Variants in CEMIP observed in about 807,000 individuals in gnomAD.
CEMIP encodes cell migration inducing hyaluronidase 1, also known as cell migration-inducing and hyaluronan-binding protein.
Under a neutral mutation model 156.9 loss-of-function variants are expected in CEMIP, and 105 were observed. That is an observed-to-expected ratio of 0.67 (90% CI 0.57 to 0.79). The LOEUF is 0.79. Among genes scored for constraint, CEMIP ranks in the 30% least tolerant of loss-of-function variants. CEMIP has a pLI of 0.00. For missense variants in CEMIP, 1,457 were observed against 1,769.4 expected (o/e 0.82, Z 3.17); for synonymous variants, 676 against 668.4 (o/e 1.01, Z -0.17).
intron 12 of CEMIP, among the ~76,000 whole-genome samples, chr15:80,900,059 G>C (rs1481505961): frequency 3.3e-5 from 5 of 152,172 alleles, no homozygotes; most frequent in Non-Finnish European, 5.9e-5. Context: ...AGAGGTGCTC[G>C]GGGTTTCTTG....
intron 1 of CEMIP, among the ~76,000 whole-genome samples, chr15:80,834,903 A>G (rs1897237411): frequency 6.6e-6 from 1 of 152,196 alleles, no homozygotes; most frequent in African/African-American, 2.4e-5. Context: ...GGATCTATCC[A>G]TTATTTAGGC....
intron 14 of CEMIP, among the ~76,000 whole-genome samples, chr15:80,913,249 G>A (rs1166254841): frequency 1.3e-5 from 2 of 152,160 alleles, no homozygotes; most frequent in African/African-American, 4.8e-5. Flanking sequence ...CTTGGGAAGG[G>A]TGGTCTGAAA....
intron 1 of CEMIP, among the ~76,000 whole-genome samples, chr15:80,784,863 A>T (rs1895889251): frequency 6.6e-6 from 1 of 152,146 alleles, no homozygotes; most frequent in South Asian, 2.1e-4. Context: ...TCATTATGAC[A>T]TTGATGACTT....
At chr15:80,815,344 C>G (rs1186550305) in intron 1 of CEMIP, among the ~76,000 whole-genome samples, 1 of 152,258 alleles carries the variant, frequency 6.6e-6, no homozygotes, top group Non-Finnish European at 1.5e-5. Context: ...CTGTCCCTAT[C>G]TAGCTTTGAG....
rs183631591 is a variant in CEMIP at position 80,833,226 on chromosome 15, G to A, written c.-175-40312G>A. Among the ~76,000 whole-genome samples the A allele has an allele frequency of 2.0e-5, 3 of 150,968 alleles. No homozygotes were observed. The East Asian group carries it at 5.9e-4, about 29-fold the overall frequency. ...ATCTCTCACTTCTCTTGGGAAATTC[G>A]GGGACCCAGCAAGATGTGGCCTGAG... On this transcript the variant is annotated intron_variant, in intron 1 of 29. Transcript: ENST00000394685.
chr15:80,925,387 G>A (rs147007561), intron 18 of CEMIP, among the ~76,000 whole-genome samples: 2 of 152,336 alleles, frequency 1.3e-5, no homozygotes, highest in East Asian at 3.9e-4. Context: ...GGCCCCACTT[G>A]GGGCAGGTTC....
chr15:80,795,034 G>C (rs1346199011), intron 1 of CEMIP, among the ~76,000 whole-genome samples: 5 of 151,948 alleles, frequency 3.3e-5, no homozygotes, highest in Non-Finnish European at 7.4e-5. Flanking sequence ...ATGCAAAGAG[G>C]CCTCAAGACA....
intron 12 of CEMIP, among the ~76,000 whole-genome samples, chr15:80,898,528 G>A (rs1442571325): frequency 3.3e-5 from 5 of 152,210 alleles, no homozygotes; most frequent in Non-Finnish European, 5.9e-5. Context: ...GGACATGCAG[G>A]TAGAGGGTGT....
intron 1 of CEMIP, among the ~76,000 whole-genome samples, chr15:80,812,682 G>A (rs1896698318): frequency 6.6e-6 from 1 of 152,102 alleles, no homozygotes; most frequent in Non-Finnish European, 1.5e-5. Flanking sequence ...AGGCAGAATT[G>A]GCTCATGGAT....
At chr15:80,936,163 G>A (rs1049121429) in intron 23 of CEMIP, among the ~76,000 whole-genome samples, 3 of 152,256 alleles carry the variant, frequency 2.0e-5, no homozygotes, top group African/African-American at 7.2e-5. Flanking sequence ...CATGCAGTGT[G>A]TTGTGGCACC....
intron 1 of CEMIP, among the ~76,000 whole-genome samples, chr15:80,808,528 G>A (rs1447406193): frequency 6.6e-6 from 1 of 151,994 alleles, no homozygotes; most frequent in Non-Finnish European, 1.5e-5. Flanking sequence ...AACAAGCCAG[G>A]ATACAGTGGC....
chr15:80,913,827 G>A (rs750766682), intron 14 of CEMIP, among the ~76,000 whole-genome samples: 4 of 152,236 alleles, frequency 2.6e-5, no homozygotes, highest in Non-Finnish European at 5.9e-5. Context: ...TTCTTTCCCT[G>A]TTTTGGAAAT....
chr15:80,864,028 C>A (rs1472640577), intron 1 of CEMIP, among the ~76,000 whole-genome samples: 2 of 152,098 alleles, frequency 1.3e-5, no homozygotes, highest in African/African-American at 4.8e-5. Context: ...CAAGCAAAGC[C>A]CCCTGGAATA....
At chr15:80,947,365 T>G in intron 29 of CEMIP, 1 of 392,238 alleles carries the variant, frequency 2.5e-6, no homozygotes, top group East Asian at 5.4e-5. Context: ...AAAAGTATCA[T>G]AAGAAAAGTG....
intron 12 of CEMIP, chr15:80,903,075 C>T (rs1159306172): frequency 6.6e-6 from 1 of 152,194 alleles, no homozygotes; most frequent in Non-Finnish European, 1.5e-5. Context: ...GAGTCACAAT[C>T]CTCCCCATCA....
rs148786091 is a variant in CEMIP at position 80,871,764 on chromosome 15, A to G, written c.-175-1774A>G. On this transcript the variant is annotated intron_variant, in intron 1 of 29. Transcript: ENST00000394685. The stretch of plus-strand genomic sequence containing the variant: ...CTGAGACCAGGGTTCTGGCTTTTCC[A>G]TGAGGACCATAATATGCTCCTATTC... Among the ~76,000 whole-genome samples the G allele has an allele frequency of 4.9e-3, 750 of 152,298 alleles. 6 individuals carry two copies. Among genetic ancestry groups the G allele is most frequent in the African/African-American group, 0.017 (708 of 41,564 alleles).
At position 80,881,165 on chromosome 15, in the gene CEMIP, C is replaced by T. The variant is rs1419987776; in HGVS notation, c.617+29C>T. 2.5e-6 allele frequency: 4 copies of T among 1,576,464 alleles called. No individual in the cohort carries two copies. In the South Asian group the frequency reaches 4.4e-5, roughly 17 times the overall value. On this transcript the variant is annotated intron_variant, in intron 6 of 29. Coordinates refer to ENST00000394685, the MANE Select transcript of CEMIP (RefSeq NM_001293298.2). ...AGGTTTGCCTTCACTTAAACGTATA[C>T]TCATTCATTCAAAGTACACTTATTG... is the stretch of plus-strand genomic sequence containing the variant.
chr15:80,933,234 G>A lies in CEMIP; in HGVS notation c.2794-11G>A, dbSNP rs1258645785. ...TTCTAGCCCTGCCTAACTTTCCTGG[G>A]CTCTGTTTAGATTACTTCCAGAGTG... On this transcript the variant is annotated splice_polypyrimidine_tract_variant and intron_variant, in intron 22 of 29. Transcript: ENST00000394685. 2 of 1,612,108 alleles carry A rather than the reference G, an allele frequency of 1.2e-6. No individual in the cohort carries two copies. Among genetic ancestry groups the A allele is most frequent in the Non-Finnish European group, 1.7e-6 (2 of 1,178,144 alleles).
At chr15:80,785,663 G>C (rs1199885184) in intron 1 of CEMIP, among the ~76,000 whole-genome samples, 1 of 152,154 alleles carries the variant, frequency 6.6e-6, no homozygotes, top group Non-Finnish European at 1.5e-5. Flanking sequence ...AGACCTGCTG[G>C]AGAAATGAAG....
Sources: allele counts gnomAD v4.1 joint callset (sites outside exome capture counted in the v4.1 genomes callset), GRCh38; gene constraint gnomAD v4.1.1; transcripts MANE v1.5; gene names NCBI Gene and HGNC (gene_info 2026-07-23, HGNC 2026-07-21).